Variants in CAND2 observed in about 807,000 individuals in gnomAD.
CAND2 encodes the protein cullin-associated NEDD8-dissociated protein 2.
In CAND2, 62 loss-of-function variants were observed where a neutral mutation model predicts 98.9. The observed-to-expected ratio is 0.63, with a 90% CI of 0.51 to 0.77. The LOEUF (loss-of-function observed/expected upper bound fraction) is 0.77. Ranked by LOEUF, CAND2 falls within the 30% of genes least tolerant of loss-of-function variation. CAND2 has a pLI of 0.00. For synonymous variants in CAND2, 770 were observed against 731.9 expected (o/e 1.05, Z -0.84); for missense variants, 1,501 against 1,655.2 (o/e 0.91, Z 1.62).
chr3:12,820,906 A>C (rs983695151), intron 11 of CAND2, among the ~76,000 whole-genome samples: 2 of 152,120 alleles, frequency 1.3e-5, no homozygotes, highest in African/African-American at 4.8e-5. Flanking sequence ...TGGGTGTGTG[A>C]GTGTGGACAA....
At chr3:12,801,272 A>G (rs1024284009) in intron 1 of CAND2, among the ~76,000 whole-genome samples, 1 of 152,086 alleles carries the variant, frequency 6.6e-6, no homozygotes, top group Non-Finnish European at 1.5e-5. Context: ...TTTTGACCTC[A>G]GGTGATCCAC....
chr3:12,818,178 C>T (rs534927416), intron 10 of CAND2, among the ~76,000 whole-genome samples: 1 of 151,482 alleles, frequency 6.6e-6, no homozygotes, highest in Admixed American at 6.6e-5. Context: ...AATCCCAGCA[C>T]TTTGGGGAGG....
intron 14 of CAND2, 74 bp from the exon 15 acceptor site, chr3:12,833,681 A>C: frequency 8.2e-7 from 1 of 1,215,278 alleles, no homozygotes; most frequent in South Asian, 1.3e-5. Context: ...AGAGGAAGCC[A>C]AAGACCAGTG....
At chr3:12,819,464 C>A (rs747008625) in intron 10 of CAND2, among the ~76,000 whole-genome samples, 3 of 152,184 alleles carry the variant, frequency 2.0e-5, no homozygotes, top group African/African-American at 2.4e-5. Context: ...AATGTACTTC[C>A]CCTCTTTACT....
chr3:12,817,774 G>A lies in CAND2; in HGVS notation c.2842G>A (p.Ala948Thr). 1.3e-6 allele frequency: 2 copies of A among 1,544,198 alleles called. No homozygotes were observed. Among genetic ancestry groups the A allele is most frequent in the African/African-American group, 1.4e-5 (1 of 72,940 alleles). The change falls in exon 10 of 15, where the codon GCT (alanine) becomes ACT (threonine). Residue 948 changes from alanine to threonine, a missense_variant. Ala to Thr is a moderately conservative substitution (Grantham distance 58, BLOSUM62 0). Coordinates refer to ENST00000456430, the MANE Select transcript of CAND2 (RefSeq NM_001162499.2). ...WALLFQRCEG[A>T]EEGTRGVVAE... is the part of the protein sequence containing the mutation. ...CTTGCTGTTCCAGCGCTGCGAGGGT[G>A]CTGAGGAGGGCACCCGGGGGGTGGT...
At chr3:12,800,242 A>G (rs1350424866) in intron 1 of CAND2, among the ~76,000 whole-genome samples, 1 of 152,072 alleles carries the variant, frequency 6.6e-6, no homozygotes, top group Non-Finnish European at 1.5e-5. Flanking sequence ...TGGCTAATCT[A>G]CCTGTTAAAA....
chr3:12,799,253 A>G (rs531727146), intron 1 of CAND2, among the ~76,000 whole-genome samples: 2 of 152,292 alleles, frequency 1.3e-5, no homozygotes, highest in African/African-American at 4.8e-5. Context: ...CCTCCCAAGG[A>G]TACTATGAGG....
intron 13 of CAND2, among the ~76,000 whole-genome samples, chr3:12,827,975 C>T (rs76813531): frequency 0.021 from 3,217 of 151,188 alleles, 50 homozygotes; most frequent in Non-Finnish European, 0.03. Context: ...AAAGCGAGAC[C>T]CTGTCTCAAA....
At chr3:12,797,729 T>A (rs1241675104) in intron 1 of CAND2, among the ~76,000 whole-genome samples, 1 of 151,592 alleles carries the variant, frequency 6.6e-6, no homozygotes, top group East Asian at 1.9e-4. Context: ...ATTTTACAGA[T>A]AGGGAAACTG....
intron 10 of CAND2, among the ~76,000 whole-genome samples, chr3:12,818,277 AAC>A (rs1253988053): frequency 1.3e-5 from 2 of 152,016 alleles, no homozygotes; most frequent in Admixed American, 6.5e-5. Context: ...AAAAAAACAA[AAC>A]AAAAAACCTC....
chr3:12,830,396 C>T (rs1019265508), intron 13 of CAND2, among the ~76,000 whole-genome samples: 1 of 152,220 alleles, frequency 6.6e-6, no homozygotes, highest in African/African-American at 2.4e-5. Context: ...CTTCCATCAT[C>T]TGGGTGTGCC....
chr3:12,816,148 G>A, intron 9 of CAND2, 140 bp downstream of exon 9: 1 of 902,406 alleles, frequency 1.1e-6, no homozygotes, highest in Non-Finnish European at 1.7e-6. Context: ...GTCTCCAGTG[G>A]CCTCCCACTA....
intron 5 of CAND2, among the ~76,000 whole-genome samples, chr3:12,810,573 T>A (rs554429121): frequency 6.6e-6 from 1 of 152,300 alleles, no homozygotes; most frequent in South Asian, 2.1e-4. Context: ...GGGCGGGCCC[T>A]GAGCTCGACA....
rs2124844224 is a variant in CAND2, at chr3:12,810,228, C to T, written c.661C>T (p.Arg221Trp). The T allele has an allele frequency of 2.6e-6, 4 of 1,537,644 alleles. No homozygotes were observed. The highest frequency in any genetic ancestry group is 2.5e-5 in the East Asian group (1 of 39,696). The change falls in exon 5 of 15, where the codon CGG becomes TGG. Residue 221 changes from arginine (R) to tryptophan (W), a missense_variant. Physicochemically the swap from Arg to Trp is moderately radical, Grantham distance 101. Transcript: ENST00000456430. ...CGAGCTCGCTGACCACCTACTGGACCGGCTGCCCGGCCCGCGGGTGCCCAC... is the reference window on the plus strand; with the variant it reads ...CGAGCTCGCTGACCACCTACTGGACTGGCTGCCCGGCCCGCGGGTGCCCAC... ...FVELADHLLD[R>W]LPGPRVPTSP...
chr3:12,816,589 T>C lies in CAND2; in HGVS notation c.1657T>C (p.Trp553Arg). Residue 553 changes from tryptophan (W) to arginine (R), a missense_variant, in exon 10 of 15, where the codon TGG (tryptophan) becomes CGG (arginine). This residue lies in a region of CAND2 where 1,427 missense variants were observed against 1,545.3 expected (regional missense o/e 0.92). Transcript: ENST00000456430. ...GCTGCAGGAGCTGGTGCGGGCCCTG[T>C]GGCCGCTGCACAGGCCTCGGATGCT... ...VVLQELVRAL[W>R]PLHRPRMLDP... 1 of 1,613,904 alleles carries C rather than the reference T, an allele frequency of 6.2e-7. No homozygotes were observed. Among genetic ancestry groups the C allele is most frequent in the Middle Eastern group, 1.6e-4 (1 of 6,062 alleles).
At chr3:12,830,714 C>T (rs1259980738) in intron 13 of CAND2, among the ~76,000 whole-genome samples, 2 of 152,280 alleles carry the variant, frequency 1.3e-5, no homozygotes, top group African/African-American at 2.4e-5. Flanking sequence ...GAGTGAACAC[C>T]GCCCAGTTCA....
intron 2 of CAND2, among the ~76,000 whole-genome samples, chr3:12,806,138 C>G (rs1161052395): frequency 1.3e-5 from 2 of 152,128 alleles, no homozygotes; most frequent in Non-Finnish European, 2.9e-5. Flanking sequence ...TCAAGACCAG[C>G]CTGGGCAACA....
intron 1 of CAND2, 89 bp downstream of exon 1, chr3:12,796,877 G>A: frequency 9.8e-7 from 1 of 1,024,952 alleles, no homozygotes; most frequent in Non-Finnish European, 1.5e-6. Flanking sequence ...CATCCCCCAT[G>A]ACCATGCAGC....
At chr3:12,813,651 A>AACTT (rs1378356370) in intron 7 of CAND2, among the ~76,000 whole-genome samples, 1 of 152,220 alleles carries the variant, frequency 6.6e-6, no homozygotes, top group Non-Finnish European at 1.5e-5. Context: ...TCAGACAAGG[A>AACTT]CACATACTGA....
Sources: allele counts gnomAD v4.1 joint callset (sites outside exome capture counted in the v4.1 genomes callset), GRCh38; gene constraint gnomAD v4.1.1; regional missense constraint gnomAD v4.1.1; transcripts MANE v1.5; gene names NCBI Gene and HGNC (gene_info 2026-07-23, HGNC 2026-07-21).